The following EXOC4 variants were observed in gnomAD, a reference collection of about 807,000 sequenced individuals.
The protein encoded by EXOC4 is SEC8-like 1.
In EXOC4, 71 loss-of-function variants were observed where a neutral mutation model predicts 107.2. That is an observed-to-expected ratio of 0.66 (90% CI 0.55 to 0.81). The LOEUF (loss-of-function observed/expected upper bound fraction) is 0.81, where lower values mean the gene tolerates loss of function less well. Among genes scored for constraint, EXOC4 ranks in the 30% least tolerant of loss-of-function variants. The probability of loss-of-function intolerance (pLI) is 0.00; values close to 1 mark genes in which losing one functional copy is unlikely to be tolerated. For synonymous variants in EXOC4, 456 were observed against 441.2 expected, an observed-to-expected ratio of 1.03 and a Z score of -0.42; for missense variants, 1,108 against 1,189.6, an observed-to-expected ratio of 0.93 and a Z score of 1.01.
chr7:133,819,791 A>C (rs1797466565), intron 11 of EXOC4, among the ~76,000 whole-genome samples: 1 of 152,212 alleles, frequency 6.6e-6, no homozygotes, highest in African/African-American at 2.4e-5. Flanking sequence ...TGAGTCTGTG[A>C]ACCAATAATA....
At chr7:133,722,448 G>A (rs1795124866) in intron 10 of EXOC4, among the ~76,000 whole-genome samples, 1 of 152,118 alleles carries the variant, frequency 6.6e-6, no homozygotes, top group Non-Finnish European at 1.5e-5. Flanking sequence ...GAAATGCTAA[G>A]GAAGCAATAT....
intron 13 of EXOC4, among the ~76,000 whole-genome samples, chr7:133,937,288 T>A (rs1340233745): frequency 6.6e-6 from 1 of 152,200 alleles, no homozygotes; most frequent in Non-Finnish European, 1.5e-5. Context: ...TGATTTTTTT[T>A]AATTGGTTTC....
In EXOC4 at chr7:133,297,654, G is replaced by C. The variant is rs934477127; in HGVS notation, c.472-8223G>C. ...AGAATAAAAGTGAAATATAGTACAG[G>C]AAAAGTGCTTTGTAGGATATAAAGC... On this transcript the variant is annotated intron_variant, in intron 3 of 17. Coordinates refer to ENST00000253861, the MANE Select transcript of EXOC4 (RefSeq NM_021807.4). Among the ~76,000 whole-genome samples, 3 of 152,106 alleles carry C rather than the reference G, an allele frequency of 2.0e-5. No individual in the cohort carries two copies. The South Asian group carries it at 6.2e-4, about 32-fold the overall frequency.
Position 133,986,593 on chromosome 7 carries a change from C to T in EXOC4, c.2207-10899C>T, listed in dbSNP as rs73442615. 3.0e-3 allele frequency among the ~76,000 whole-genome samples: 459 copies of T among 152,270 alleles called. 5 individuals are homozygous for T. Among genetic ancestry groups the T allele is most frequent in the African/African-American group, 0.011 (439 of 41,538 alleles). On this transcript the variant is annotated intron_variant, in intron 14 of 17. Transcript: ENST00000253861. ...AAAGTTCAAATCAAATGTTAATAAGCTGGTATGTACTTTAGCATGTGAAGA... is the reference window on the plus strand; with the variant it reads ...AAAGTTCAAATCAAATGTTAATAAGTTGGTATGTACTTTAGCATGTGAAGA...
chr7:133,847,292 G>A (rs1798146074), intron 11 of EXOC4, among the ~76,000 whole-genome samples: 1 of 152,048 alleles, frequency 6.6e-6, no homozygotes, highest in South Asian at 2.1e-4. Flanking sequence ...TGTAAACATA[G>A]CCTTTTTCCC....
At chr7:133,754,523 A>G (rs1403022470) in intron 10 of EXOC4, among the ~76,000 whole-genome samples, 2 of 152,130 alleles carry the variant, frequency 1.3e-5, no homozygotes, top group Non-Finnish European at 2.9e-5. Context: ...ACTTTAGGGA[A>G]CATAACCATT....
intron 10 of EXOC4, 77 bp downstream of exon 10, chr7:133,630,218 T>C (rs1802557077): frequency 8.9e-7 from 1 of 1,128,666 alleles, no homozygotes; most frequent in Admixed American, 1.9e-5. Flanking sequence ...ATGCCAGTTG[T>C]TGAGTCAGCA....
intron 11 of EXOC4, among the ~76,000 whole-genome samples, chr7:133,825,074 T>G (rs1797668442): frequency 6.6e-6 from 1 of 151,794 alleles, no homozygotes; most frequent in Non-Finnish European, 1.5e-5. Context: ...CATTGGCTAG[T>G]CTGGGTGGTA....
intron 9 of EXOC4, among the ~76,000 whole-genome samples, chr7:133,550,594 AGG>A (rs1310598251): frequency 1.8e-4 from 28 of 152,182 alleles, no homozygotes; most frequent in Admixed American, 5.9e-4. Flanking sequence ...TATAAGTATA[AGG>A]CTTTTTATAC....
chr7:133,965,514 A>G (rs982317008), intron 14 of EXOC4, among the ~76,000 whole-genome samples: 2 of 152,200 alleles, frequency 1.3e-5, no homozygotes, highest in Non-Finnish European at 2.9e-5. Flanking sequence ...TATAAGGTGT[A>G]AGGAAGAGGT....
At chr7:133,504,303 A>G (rs1324929803) in intron 9 of EXOC4, among the ~76,000 whole-genome samples, 1 of 152,138 alleles carries the variant, frequency 6.6e-6, no homozygotes, top group Non-Finnish European at 1.5e-5. Flanking sequence ...AATCATTTTA[A>G]AGAAAGCAAG....
intron 10 of EXOC4, among the ~76,000 whole-genome samples, chr7:133,723,460 A>G (rs1242542215): frequency 6.7e-6 from 1 of 149,404 alleles, no homozygotes; most frequent in South Asian, 2.2e-4. Flanking sequence ...CTTGTACTTG[A>G]TGGGAGAACA....
At chr7:133,747,414 G>A (rs749465508) in intron 10 of EXOC4, among the ~76,000 whole-genome samples, 9 of 152,148 alleles carry the variant, frequency 5.9e-5, no homozygotes, top group Non-Finnish European at 8.8e-5. Context: ...GGCAGTGGTA[G>A]TACTGTTGGG....
intron 10 of EXOC4, among the ~76,000 whole-genome samples, chr7:133,794,811 C>G (rs1796778713): frequency 6.6e-6 from 1 of 150,962 alleles, no homozygotes; most frequent in Admixed American, 6.6e-5. Context: ...TTTAATTATA[C>G]TTTAAGTTTT....
intron 7 of EXOC4, among the ~76,000 whole-genome samples, chr7:133,449,954 T>C (rs905186584): frequency 2.0e-5 from 3 of 152,148 alleles, no homozygotes; most frequent in Non-Finnish European, 4.4e-5. Context: ...AGTTCCTTTA[T>C]TATGGCTTTC....
At chr7:133,799,051 T>C (rs2151192922) in intron 10 of EXOC4, among the ~76,000 whole-genome samples, 1 of 152,292 alleles carries the variant, frequency 6.6e-6, no homozygotes, top group South Asian at 2.1e-4. Context: ...CATATATTGA[T>C]GTTAGAATCT....
the EXOC4 span, among the ~76,000 whole-genome samples, chr7:134,090,597 GGGT>G: frequency 6.6e-6 from 1 of 152,174 alleles, no homozygotes; most frequent in Non-Finnish European, 1.5e-5. Context: ...TCCTGAGGCA[GGGT>G]GGGGAAGGCG....
intron 10 of EXOC4, among the ~76,000 whole-genome samples, chr7:133,662,538 C>T (rs1002226910): frequency 6.6e-6 from 1 of 151,900 alleles, no homozygotes; most frequent in Admixed American, 6.6e-5. Context: ...TTAGTTTATT[C>T]CATGATTATC....
rs1794902857 is a variant in EXOC4 at position 133,712,050 on chromosome 7, A to G, written c.1514+81909A>G. ...GTATTAAGAATTAGAGGCTTAAAAAAGACTGAAGTACCACAGTAAGGTGTT... is the reference window on the plus strand; with the variant it reads ...GTATTAAGAATTAGAGGCTTAAAAAGGACTGAAGTACCACAGTAAGGTGTT... On this transcript the variant is annotated intron_variant, in intron 10 of 17. Transcript: ENST00000253861. Among the ~76,000 whole-genome samples, 4 of 152,220 alleles carry G rather than the reference A, an allele frequency of 2.6e-5. No homozygotes were observed. In the South Asian group the frequency reaches 8.3e-4, roughly 32 times the overall value.
Sources: allele counts gnomAD v4.1 joint callset (sites outside exome capture counted in the v4.1 genomes callset), GRCh38; gene constraint gnomAD v4.1.1; transcripts MANE v1.5; gene names NCBI Gene and HGNC (gene_info 2026-07-23, HGNC 2026-07-21).